CDK8: variants seen among roughly 807,000 people sequenced by gnomAD.
The protein encoded by CDK8 is cyclin-dependent kinase 8.
CDK8 carries 29 observed loss-of-function variants against 71.5 expected under a neutral mutation model. The ratio of observed to expected loss-of-function variants is 0.41; its 90% CI spans 0.30 to 0.55. CDK8 has a LOEUF of 0.55. Among genes scored for constraint, CDK8 ranks in the 20% least tolerant of loss-of-function variants. CDK8 has a pLI of 0.37. For missense variants in CDK8, 288 were observed against 572.6 expected (o/e 0.50, Z 5.07); for synonymous variants, 161 against 192.1 (o/e 0.84, Z 1.34).
At chr13:26,264,411 A>T (rs1013558957) in intron 1 of CDK8, among the ~76,000 whole-genome samples, 1 of 152,070 alleles carries the variant, frequency 6.6e-6, no homozygotes, top group African/African-American at 2.4e-5. Flanking sequence ...TTAGCCTCCC[A>T]AGTGGGTGGG....
intron 4 of CDK8, among the ~76,000 whole-genome samples, chr13:26,375,702 A>C (rs573287816): frequency 1.3e-5 from 2 of 152,362 alleles, no homozygotes; most frequent in East Asian, 3.9e-4. Flanking sequence ...TATGACATAA[A>C]ATATGCACAC....
chr13:26,263,840 G>A (rs962528692), intron 1 of CDK8, among the ~76,000 whole-genome samples: 1 of 150,162 alleles, frequency 6.7e-6, no homozygotes, highest in Non-Finnish European at 1.5e-5. Context: ...TCCGTCTCCT[G>A]GGTTCACGCC....
At chr13:26,262,420 T>G (rs1871811948) in intron 1 of CDK8, among the ~76,000 whole-genome samples, 1 of 152,194 alleles carries the variant, frequency 6.6e-6, no homozygotes, top group Non-Finnish European at 1.5e-5. Flanking sequence ...GAAATTCATG[T>G]TTGAAAATCT....
At chr13:26,359,233 G>A (rs1874026766) in intron 4 of CDK8, among the ~76,000 whole-genome samples, 1 of 148,662 alleles carries the variant, frequency 6.7e-6, no homozygotes, top group South Asian at 2.1e-4. Flanking sequence ...GAGCAGTTAC[G>A]GGACGTTACT....
At chr13:26,328,410 TGTTCC>T (rs1875124990) in intron 1 of CDK8, among the ~76,000 whole-genome samples, 1 of 152,242 alleles carries the variant, frequency 6.6e-6, no homozygotes, top group Admixed American at 6.5e-5. Context: ...TCTGGTTGAC[TGTTCC>T]AGAATATTTT....
intron 1 of CDK8, among the ~76,000 whole-genome samples, chr13:26,301,566 T>A (rs1449227996): frequency 1.3e-5 from 2 of 152,150 alleles, no homozygotes; most frequent in Non-Finnish European, 2.9e-5. Context: ...GTTTGTTGGC[T>A]CCATTGGAGA....
At chr13:26,321,811 A>G (rs1472678798) in intron 1 of CDK8, among the ~76,000 whole-genome samples, 2 of 152,036 alleles carry the variant, frequency 1.3e-5, no homozygotes, top group Non-Finnish European at 2.9e-5. Context: ...GTAAATGTAT[A>G]TATTATATAT....
intron 1 of CDK8, among the ~76,000 whole-genome samples, chr13:26,320,004 A>G (rs1328487162): frequency 1.3e-5 from 2 of 152,148 alleles, no homozygotes; most frequent in Non-Finnish European, 2.9e-5. Flanking sequence ...GTACTGATAA[A>G]ACTGTATATC....
chr13:26,382,712 ATG>A lies in CDK8; in HGVS notation c.457-101_457-100del, dbSNP rs1875287946. 3 of 680,872 alleles carry A rather than the reference ATG, an allele frequency of 4.4e-6. 1 individual carries two copies. Among genetic ancestry groups the A allele is most frequent in the Non-Finnish European group, 7.3e-6 (3 of 409,144 alleles). 42.2% of individuals were successfully genotyped at this position (680,872 alleles called of 1,614,324 possible). ...GTATTTGGTTTTAATTTTTGAATAA[ATG>A]AGATTTTTTAAAAGGTGGATTTGTG... On this transcript the variant is annotated intron_variant, in intron 4 of 12. Coordinates refer to ENST00000381527, the MANE Select transcript of CDK8 (RefSeq NM_001260.3).
intron 6 of CDK8, among the ~76,000 whole-genome samples, chr13:26,390,028 A>G (rs1253514355): frequency 6.6e-6 from 1 of 152,176 alleles, no homozygotes; most frequent in Non-Finnish European, 1.5e-5. Flanking sequence ...AAAAATAAGA[A>G]GGAATTACAA....
rs564628547 is a variant in CDK8, at chr13:26,391,154, G to T, written c.647-2213G>T. On this transcript the variant is annotated intron_variant, in intron 6 of 12. Transcript: ENST00000381527. ...AGGAAGAATGGTAAAATTGACAAAG[G>T]TGAGAGAGAATAGCAGTTATAAAGA... Among the ~76,000 whole-genome samples, 925 of 152,126 alleles carry T rather than the reference G, an allele frequency of 6.1e-3. 15 individuals are homozygous for T. The highest frequency in any genetic ancestry group is 0.022 in the African/African-American group (895 of 41,498).
chr13:26,261,528 T>C (rs913361563), intron 1 of CDK8, among the ~76,000 whole-genome samples: 1 of 152,220 alleles, frequency 6.6e-6, no homozygotes, highest in African/African-American at 2.4e-5. Flanking sequence ...ATTTGCCTGT[T>C]CTGGACATTT....
intron 4 of CDK8, among the ~76,000 whole-genome samples, chr13:26,361,783 C>CTTTTTTTTTTTTTTTTTTTTTTTTTT (rs1201582663): frequency 8.9e-6 from 1 of 112,226 alleles, no homozygotes. Context: ...TTTTCTTTTC[C>CTTTTTTTTTTTTTTTTTTTTTTTTTT]CTTTTTTTTT....
At position 26,349,145 on chromosome 13, in the gene CDK8, T is replaced by C; in HGVS notation, c.278T>C (p.Val93Ala). The change falls in exon 3 of 13, where the codon GTG (valine) becomes GCG (alanine). Residue 93 changes from valine to alanine, a missense_variant. Coordinates refer to ENST00000381527, the MANE Select transcript of CDK8 (RefSeq NM_001260.3). Reference protein sequence around the residue: ...KVFLSHADRKVWLLFDYAEHD... With the variant: ...KVFLSHADRKAWLLFDYAEHD... ...TTTCTGTCTCATGCTGATAGGAAGG[T>C]GTGGCTTCTGTTTGACTATGCTGAA... 6.2e-7 allele frequency: 1 copy of C among 1,612,674 alleles called. No homozygotes were observed. The highest frequency in any genetic ancestry group is 8.5e-7 in the Non-Finnish European group (1 of 1,178,944).
intron 1 of CDK8, among the ~76,000 whole-genome samples, chr13:26,313,918 T>G (rs1403559787): frequency 3.3e-5 from 5 of 152,186 alleles, no homozygotes; most frequent in Non-Finnish European, 7.4e-5. Context: ...AAGAAAATGA[T>G]GTCCAGGTTG....
chr13:26,335,501 T>C (rs1593271014), intron 1 of CDK8, among the ~76,000 whole-genome samples: 1 of 152,166 alleles, frequency 6.6e-6, no homozygotes, highest in East Asian at 1.9e-4. Context: ...TGAGCTTTAG[T>C]GTTTATTCTG....
At chr13:26,269,927 T>C (rs1403459911) in intron 1 of CDK8, among the ~76,000 whole-genome samples, 1 of 152,126 alleles carries the variant, frequency 6.6e-6, no homozygotes, top group Non-Finnish European at 1.5e-5. Flanking sequence ...AAGAAGTAAT[T>C]TTGATTTAGT....
chr13:26,304,820 A>G (rs1873972078), intron 1 of CDK8, among the ~76,000 whole-genome samples: 1 of 151,432 alleles, frequency 6.6e-6, no homozygotes, highest in Non-Finnish European at 1.5e-5. Flanking sequence ...TTTTTTTTTA[A>G]TTTTAAAATT....
intron 1 of CDK8, among the ~76,000 whole-genome samples, chr13:26,275,918 C>A (rs185385419): frequency 1.3e-5 from 2 of 151,950 alleles, no homozygotes; most frequent in South Asian, 2.1e-4. Context: ...GCTGGAGTGC[C>A]GTGGCACAAT....
Sources: gnomAD v4.1 joint callset for allele counts (sites outside exome capture counted in the v4.1 genomes callset) on GRCh38, gnomAD v4.1.1 for gene constraint, MANE v1.5 for transcripts, NCBI Gene and HGNC (gene_info 2026-07-23, HGNC 2026-07-21) for gene names.